GPC6: variants seen among roughly 807,000 people sequenced by gnomAD.
GPC6 encodes the protein glypican 6.
A neutral mutation model predicts 55.2 loss-of-function variants in GPC6; 14 were observed. The ratio of observed to expected loss-of-function variants is 0.25; its 90% CI spans 0.17 to 0.40. The LOEUF (loss-of-function observed/expected upper bound fraction) is 0.40. Ranked by LOEUF, GPC6 falls within the 10% of genes least tolerant of loss-of-function variation. GPC6 has a pLI of 1.00. For missense variants in GPC6, 641 were observed against 708.5 expected (o/e 0.90, Z 1.08); for synonymous variants, 278 against 259.6 (o/e 1.07, Z -0.68).
At chr13:93,439,690 T>TAAAA in intron 1 of GPC6, among the ~76,000 whole-genome samples, 1 of 144,620 alleles carries the variant, frequency 6.9e-6, no homozygotes, top group African/African-American at 2.6e-5. Context: ...ATAAAATAAA[T>TAAAA]AAAAAAAATA....
chr13:94,299,827 CTG>C (rs1161055164), intron 5 of GPC6, among the ~76,000 whole-genome samples: 49 of 152,302 alleles, frequency 3.2e-4, no homozygotes, highest in African/African-American at 1.2e-3. Context: ...AAAATAATGG[CTG>C]CACCTGGACA....
At chr13:93,451,630 C>T (rs376332531) in intron 1 of GPC6, among the ~76,000 whole-genome samples, 1 of 152,132 alleles carries the variant, frequency 6.6e-6, no homozygotes, top group East Asian at 1.9e-4. Context: ...GCAGCAGGGA[C>T]CTTATTACAA....
At chr13:94,120,480 T>A (rs1164166143) in intron 4 of GPC6, among the ~76,000 whole-genome samples, 1 of 152,072 alleles carries the variant, frequency 6.6e-6, no homozygotes, top group East Asian at 1.9e-4. Context: ...CAGGATTAAG[T>A]TGGGATGCAT....
intron 2 of GPC6, among the ~76,000 whole-genome samples, chr13:93,547,926 T>A (rs1874919718): frequency 6.6e-6 from 1 of 152,180 alleles, no homozygotes; most frequent in East Asian, 1.9e-4. Context: ...GTGAGCCTGC[T>A]AAGTCACCTT....
intron 3 of GPC6, among the ~76,000 whole-genome samples, chr13:93,877,358 G>A (rs962430754): frequency 5.9e-5 from 9 of 151,814 alleles, no homozygotes; most frequent in Non-Finnish European, 8.8e-5. Context: ...TGGGTATGTT[G>A]GGAGGCATTA....
chr13:93,986,272 A>T (rs757426633), intron 3 of GPC6, among the ~76,000 whole-genome samples: 1 of 152,122 alleles, frequency 6.6e-6, no homozygotes, highest in Non-Finnish European at 1.5e-5. Flanking sequence ...ATTTAATGAC[A>T]TTTACTAAAT....
chr13:93,576,100 A>G (rs1876650628), intron 2 of GPC6, among the ~76,000 whole-genome samples: 1 of 151,944 alleles, frequency 6.6e-6, no homozygotes, highest in Non-Finnish European at 1.5e-5. Flanking sequence ...ATTTACCCCA[A>G]CTGAAAGAAC....
chr13:93,529,543 T>A (rs1046347842), intron 1 of GPC6, among the ~76,000 whole-genome samples: 56 of 126,184 alleles, frequency 4.4e-4, no homozygotes, highest in Admixed American at 1.5e-3. Context: ...TGAGATGGAG[T>A]CTCACTCTGT....
chr13:93,971,814 G>A (rs1297807995), intron 3 of GPC6, among the ~76,000 whole-genome samples: 1 of 152,220 alleles, frequency 6.6e-6, no homozygotes, highest in East Asian at 1.9e-4. Flanking sequence ...CGACAGAACT[G>A]TGGGACTGCT....
chr13:94,101,566 GATATTCTCCT>G (rs1885861864), intron 4 of GPC6, among the ~76,000 whole-genome samples: 1 of 152,138 alleles, frequency 6.6e-6, no homozygotes, highest in Non-Finnish European at 1.5e-5. Context: ...AAATGATTTA[GATATTCTCCT>G]TATATGAAAG....
chr13:94,374,110 A>G (rs1594217645), intron 6 of GPC6, among the ~76,000 whole-genome samples: 1 of 152,188 alleles, frequency 6.6e-6, no homozygotes, highest in African/African-American at 2.4e-5. Context: ...CTGCAAAATC[A>G]TGCCAAAGTG....
At chr13:93,623,102 A>G (rs1286282642) in intron 2 of GPC6, among the ~76,000 whole-genome samples, 3 of 152,194 alleles carry the variant, frequency 2.0e-5, no homozygotes, top group Non-Finnish European at 4.4e-5. Context: ...ATTCTTTCTT[A>G]TGGATGAGTA....
chr13:93,311,420 A>T (rs9516212), intron 1 of GPC6, among the ~76,000 whole-genome samples: 1 of 151,856 alleles, frequency 6.6e-6, no homozygotes, highest in African/African-American at 2.4e-5. Flanking sequence ...GACTCATCTT[A>T]AGTCAGGGAG....
chr13:94,190,628 G>C (rs1238390287), intron 4 of GPC6, among the ~76,000 whole-genome samples: 1 of 152,170 alleles, frequency 6.6e-6, no homozygotes, highest in African/African-American at 2.4e-5. Flanking sequence ...TTGGAATTCA[G>C]ACAGTAGGTT....
In GPC6 at chr13:93,275,477, A is replaced by G. The variant is rs183522493; in HGVS notation, c.160+47861A>G. Among the ~76,000 whole-genome samples, 7 of 152,346 alleles carry G rather than the reference A, an allele frequency of 4.6e-5. 1 individual carries two copies. Among genetic ancestry groups the G allele is most frequent in the African/African-American group, 1.7e-4 (7 of 41,596 alleles). On this transcript the variant is annotated intron_variant, in intron 1 of 8. Coordinates refer to ENST00000377047, the MANE Select transcript of GPC6 (RefSeq NM_005708.5). ...AATGTAAGTGGGAGCACAGGAATCA[A>G]TTAGTATATTAGTTTTCTGGAGCTG...
intron 1 of GPC6, among the ~76,000 whole-genome samples, chr13:93,280,667 G>T (rs1218261597): frequency 6.6e-6 from 1 of 152,240 alleles, no homozygotes; most frequent in African/African-American, 2.4e-5. Flanking sequence ...CCTACATAGG[G>T]CGCTTTACTT....
chr13:93,414,514 A>G (rs1876624302), intron 1 of GPC6, among the ~76,000 whole-genome samples: 1 of 152,142 alleles, frequency 6.6e-6, no homozygotes, highest in African/African-American at 2.4e-5. Context: ...ACTCATCTTT[A>G]TATATCCAGA....
chr13:93,463,402 C>T (rs1419620982), intron 1 of GPC6, among the ~76,000 whole-genome samples: 2 of 152,140 alleles, frequency 1.3e-5, no homozygotes, highest in African/African-American at 4.8e-5. Context: ...TAAATCTTGC[C>T]AGAGCTGGAC....
chr13:93,558,197 G>A (rs1030000701), intron 2 of GPC6, among the ~76,000 whole-genome samples: 13 of 152,116 alleles, frequency 8.5e-5, no homozygotes, highest in African/African-American at 2.9e-4. Flanking sequence ...TTGAAACTAC[G>A]ATATACATAA....
Sources: gnomAD v4.1 joint callset for allele counts (sites outside exome capture counted in the v4.1 genomes callset) on GRCh38, gnomAD v4.1.1 for gene constraint, MANE v1.5 for transcripts, NCBI Gene and HGNC (gene_info 2026-07-23, HGNC 2026-07-21) for gene names.